The following LRP1B variants were observed in gnomAD, a reference collection of about 807,000 sequenced individuals.
LRP1B encodes low-density lipoprotein receptor-related protein 1B.
Under a neutral mutation model 556.6 loss-of-function variants are expected in LRP1B, and 217 were observed. The observed-to-expected ratio is 0.39, with a 90% confidence interval of 0.35 to 0.44. The LOEUF (loss-of-function observed/expected upper bound fraction) is 0.44. Ranked by LOEUF, LRP1B falls within the 20% of genes least tolerant of loss-of-function variation. The probability of loss-of-function intolerance (pLI) is 1.00; values close to 1 mark genes in which losing one functional copy is unlikely to be tolerated. For synonymous variants in LRP1B, 2,047 were observed against 1,865.8 expected (o/e 1.10, Z -2.50); for missense variants, 5,053 against 5,620.8 (o/e 0.90, Z 3.23).
intron 1 of LRP1B, among the ~76,000 whole-genome samples, chr2:142,070,127 C>T (rs544533802): frequency 2.3e-4 from 35 of 151,812 alleles, no homozygotes; most frequent in Middle Eastern, 3.4e-3. Context: ...GCAAACACAT[C>T]AATAAAACTC....
At chr2:140,748,128 T>TG (rs1688386373) in intron 35 of LRP1B, among the ~76,000 whole-genome samples, 1 of 54,712 alleles carries the variant, frequency 1.8e-5, no homozygotes, top group Admixed American at 2.4e-4. Context: ...TATATATATA[T>TG]ATATATATAA....
In LRP1B at chr2:140,846,616, G is replaced by A. The variant is rs187546192; in HGVS notation, c.4939+3486C>T. On this transcript the variant is annotated intron_variant, in intron 29 of 90. Transcript: ENST00000389484. ...GAGAAGAAAATAATGGGAGATGATAGGCACAGTGAATTTATTTGGGGCCCA... is the reference window on the plus strand; with the variant it reads ...GAGAAGAAAATAATGGGAGATGATAAGCACAGTGAATTTATTTGGGGCCCA... Among the ~76,000 whole-genome samples the A allele has an allele frequency of 2.4e-3, 362 of 151,998 alleles. 2 individuals carry two copies. The highest frequency in any genetic ancestry group is 3.8e-3 in the Non-Finnish European group (256 of 67,956).
rs115098324 is a variant in LRP1B, at chr2:141,009,593, A to T, written c.2380+3963T>A. 2.5e-3 allele frequency among the ~76,000 whole-genome samples: 377 copies of T among 152,148 alleles called. 1 individual carries two copies. Among genetic ancestry groups the T allele is most frequent in the African/African-American group, 8.9e-3 (368 of 41,568 alleles). On this transcript the variant is annotated intron_variant, in intron 14 of 90. Transcript: ENST00000389484. ...TGTAGTTATGATGGTCCTACCACCA[A>T]ACCTAAAGCTTATTAAACCTATAAA... is the stretch of plus-strand genomic sequence containing the variant.
chr2:141,514,182 C>T (rs116824966), intron 2 of LRP1B, among the ~76,000 whole-genome samples: 213 of 152,226 alleles, frequency 1.4e-3, no homozygotes, highest in African/African-American at 4.9e-3. Flanking sequence ...CTGATCATGC[C>T]ATTTTGACGA....
intron 25 of LRP1B, among the ~76,000 whole-genome samples, chr2:140,878,502 A>G (rs114479146): frequency 0.021 from 3,262 of 152,250 alleles, 56 homozygotes; most frequent in Non-Finnish European, 0.031. Context: ...GCCTTTCTTA[A>G]AAATAATGAA....
intron 1 of LRP1B, among the ~76,000 whole-genome samples, chr2:141,945,801 T>C (rs1700937803): frequency 1.3e-5 from 2 of 152,140 alleles, no homozygotes; most frequent in South Asian, 4.1e-4. Flanking sequence ...GGCCTTGGCC[T>C]AGAGTTGAGC....
chr2:141,152,540 T>C (rs1701949473), intron 7 of LRP1B, among the ~76,000 whole-genome samples: 1 of 151,958 alleles, frequency 6.6e-6, no homozygotes, highest in Middle Eastern at 3.2e-3. Flanking sequence ...AAAGACATCT[T>C]GCTAGACTCC....
At chr2:141,450,372 T>C (rs1681371644) in intron 3 of LRP1B, among the ~76,000 whole-genome samples, 1 of 152,174 alleles carries the variant, frequency 6.6e-6, no homozygotes, top group African/African-American at 2.4e-5. Flanking sequence ...TTTAACATCT[T>C]TAATCCTCAG....
intron 76 of LRP1B, among the ~76,000 whole-genome samples, chr2:140,351,591 C>A (rs887892247): frequency 6.6e-6 from 1 of 151,938 alleles, no homozygotes; most frequent in Non-Finnish European, 1.5e-5. Flanking sequence ...ATCTAGAATC[C>A]TGCTAAGTGT....
At chr2:140,415,738 G>C (rs113152133) in intron 66 of LRP1B, among the ~76,000 whole-genome samples, 1,590 of 152,240 alleles carry the variant, frequency 0.01, 32 homozygotes, top group African/African-American at 0.037. Context: ...CATCCTGCCT[G>C]TGTCCATGTT....
At chr2:141,782,790 G>C (rs1272862838) in intron 2 of LRP1B, among the ~76,000 whole-genome samples, 1 of 151,942 alleles carries the variant, frequency 6.6e-6, no homozygotes, top group Non-Finnish European at 1.5e-5. Flanking sequence ...TTTCACAGAA[G>C]CTTTTTTTCC....
At chr2:140,791,298 G>A (rs757115452) in intron 32 of LRP1B, among the ~76,000 whole-genome samples, 1 of 151,830 alleles carries the variant, frequency 6.6e-6, no homozygotes, top group South Asian at 2.1e-4. Context: ...GCTTGGTGGT[G>A]TACCCCTGTA....
intron 35 of LRP1B, among the ~76,000 whole-genome samples, chr2:140,735,704 A>G (rs1687924344): frequency 6.6e-6 from 1 of 152,136 alleles, no homozygotes; most frequent in Non-Finnish European, 1.5e-5. Context: ...TATTACAGAA[A>G]TATCTCACCT....
chr2:140,740,640 T>C (rs1559088426), intron 35 of LRP1B, among the ~76,000 whole-genome samples: 1 of 152,018 alleles, frequency 6.6e-6, no homozygotes, highest in African/African-American at 2.4e-5. Context: ...CACCACCTGT[T>C]CCCCCAAAAC....
intron 2 of LRP1B, among the ~76,000 whole-genome samples, chr2:141,719,470 C>T (rs1692737530): frequency 1.3e-5 from 2 of 152,042 alleles, no homozygotes. Context: ...CATTTTGCTT[C>T]TATAAGCTTC....
chr2:141,929,497 A>C (rs960558660), intron 1 of LRP1B, among the ~76,000 whole-genome samples: 1 of 152,014 alleles, frequency 6.6e-6, no homozygotes, highest in Non-Finnish European at 1.5e-5. Flanking sequence ...AGACAGAAGC[A>C]CAACCACAAC....
At chr2:140,435,580 T>G (rs1461275458) in intron 66 of LRP1B, among the ~76,000 whole-genome samples, 1 of 152,120 alleles carries the variant, frequency 6.6e-6, no homozygotes, top group East Asian at 1.9e-4. Context: ...CTAGAATATT[T>G]GGCATGCCTC....
intron 7 of LRP1B, among the ~76,000 whole-genome samples, chr2:141,145,204 G>A (rs1701750712): frequency 6.6e-6 from 1 of 152,054 alleles, no homozygotes; most frequent in Non-Finnish European, 1.5e-5. Flanking sequence ...AGTCTAAAAA[G>A]TTTTGCTATT....
At chr2:141,762,417 A>G (rs1362567793) in intron 2 of LRP1B, among the ~76,000 whole-genome samples, 1 of 152,118 alleles carries the variant, frequency 6.6e-6, no homozygotes, top group Non-Finnish European at 1.5e-5. Flanking sequence ...TTCCCATAGG[A>G]ATGGTGACCA....
Sources: allele counts gnomAD v4.1 joint callset (sites outside exome capture counted in the v4.1 genomes callset), GRCh38; gene constraint gnomAD v4.1.1; transcripts MANE v1.5; gene names NCBI Gene and HGNC (gene_info 2026-07-23, HGNC 2026-07-21).